Variants in ZSWIM5 observed in about 807,000 individuals in gnomAD.
The protein encoded by ZSWIM5 is zinc finger SWIM-type containing 5, also known as zinc finger SWIM domain-containing protein 5.
ZSWIM5 carries 55 observed loss-of-function variants against 119.6 expected under a neutral mutation model. That is an observed-to-expected ratio of 0.46 (90% CI 0.37 to 0.58). ZSWIM5 has a LOEUF of 0.58. Among genes scored for constraint, ZSWIM5 ranks in the 20% least tolerant of loss-of-function variants. ZSWIM5 has a pLI of 0.00. For synonymous variants in ZSWIM5, 537 were observed against 606.9 expected (o/e 0.88, Z 1.69); for missense variants, 1,193 against 1,512.8 (o/e 0.79, Z 3.51).
intron 5 of ZSWIM5, among the ~76,000 whole-genome samples, chr1:45,049,758 G>A (rs1645079062): frequency 6.6e-6 from 1 of 152,136 alleles, no homozygotes; most frequent in Non-Finnish European, 1.5e-5. Context: ...AGGTTGCAGT[G>A]AGCCGAGATC....
In ZSWIM5 at chr1:45,057,611, C is replaced by T. The variant is rs1645130349; in HGVS notation, c.1252+998G>A. ...TAAGATAGAATTGAGGGAGATGTTA[C>T]AGAGGGATATTTGATTTAAAGTCAG... On this transcript the variant is annotated intron_variant, in intron 4 of 13. Transcript: ENST00000359600. The surrounding 1 kb of genome is among the most constrained non-coding windows in gnomAD (Gnocchi z 4.7). Among the ~76,000 whole-genome samples, 1 of 152,176 alleles carries T rather than the reference C, an allele frequency of 6.6e-6. No individual in the cohort carries two copies. The highest frequency in any genetic ancestry group is 2.4e-5 in the African/African-American group (1 of 41,446).
At chr1:45,027,872 G>A (rs1358575183) in intron 11 of ZSWIM5, among the ~76,000 whole-genome samples, 1 of 151,058 alleles carries the variant, frequency 6.6e-6, no homozygotes, top group Non-Finnish European at 1.5e-5. Context: ...TTCTTTTTGA[G>A]ATGGAGTCTC....
chr1:45,193,928 GTGCATATGTGTATATATATATATATA>G (rs2149054332), intron 1 of ZSWIM5, among the ~76,000 whole-genome samples: 1 of 141,564 alleles, frequency 7.1e-6, no homozygotes, highest in East Asian at 2.2e-4. Context: ...GTACATATGT[GTGCATATGTGTATATATATATATATA>G]TACATACATG....
At chr1:45,195,880 T>C (rs1254258842) in intron 1 of ZSWIM5, among the ~76,000 whole-genome samples, 1 of 151,268 alleles carries the variant, frequency 6.6e-6, no homozygotes, top group Admixed American at 6.6e-5. Flanking sequence ...TTTCTTTTTT[T>C]TTTTTTTAGA....
At chr1:45,163,389 G>A (rs1557785002) in intron 1 of ZSWIM5, among the ~76,000 whole-genome samples, 1 of 152,180 alleles carries the variant, frequency 6.6e-6, no homozygotes, top group African/African-American at 2.4e-5. Flanking sequence ...CAGAAAAGCT[G>A]AAAATTCTAA....
intron 1 of ZSWIM5, among the ~76,000 whole-genome samples, chr1:45,102,531 G>T (rs191499600): frequency 6.6e-6 from 1 of 152,238 alleles, no homozygotes; most frequent in East Asian, 1.9e-4. Flanking sequence ...TTTCCCTTTA[G>T]ATTGTGAGTT....
chr1:45,040,610 G>C (rs1645013288), intron 6 of ZSWIM5, 72 bp from the exon 7 acceptor site: 2 of 1,407,224 alleles, frequency 1.4e-6, no homozygotes, highest in Non-Finnish European at 1.9e-6. Flanking sequence ...CTGACAAAGA[G>C]AGTTTGTATT....
rs768465105 is a variant in ZSWIM5 at position 45,138,269 on chromosome 1, C to T, written c.596-50032G>A. 1.0e-3 allele frequency among the ~76,000 whole-genome samples: 153 copies of T among 151,672 alleles called. 5 individuals are homozygous for T. Among genetic ancestry groups the T allele is most frequent in the Non-Finnish European group, 2.6e-4 (18 of 67,932 alleles). On this transcript the variant is annotated intron_variant, in intron 1 of 13. Transcript: ENST00000359600. ...CTGTAATCCCAGCACTTTGGGAGGCCGAGGCAGGTGGATCACTTGAGGTCA... is the reference window on the plus strand; with the variant it reads ...CTGTAATCCCAGCACTTTGGGAGGCTGAGGCAGGTGGATCACTTGAGGTCA...
intron 2 of ZSWIM5, among the ~76,000 whole-genome samples, chr1:45,080,927 T>A (rs1471681703): frequency 6.6e-6 from 1 of 152,076 alleles, no homozygotes; most frequent in East Asian, 1.9e-4. Context: ...CAAACACATA[T>A]AGGGACTAAT....
At chr1:45,178,586 G>A in intron 1 of ZSWIM5, among the ~76,000 whole-genome samples, 1 of 151,886 alleles carries the variant, frequency 6.6e-6, no homozygotes, top group East Asian at 1.9e-4. Flanking sequence ...CTATATATTT[G>A]ACCATTTTTC....
In ZSWIM5 at chr1:45,150,470, C is replaced by T. The variant is rs554992686; in HGVS notation, c.595+55286G>A. Among the ~76,000 whole-genome samples, 38 of 152,226 alleles carry T rather than the reference C, an allele frequency of 2.5e-4. 1 individual carries two copies. Among genetic ancestry groups the T allele is most frequent in the Non-Finnish European group, 4.1e-4 (28 of 68,028 alleles). On this transcript the variant is annotated intron_variant, in intron 1 of 13. Coordinates refer to ENST00000359600, the MANE Select transcript of ZSWIM5 (RefSeq NM_020883.2). ...AAGTTGAACACAATTACCATATGAC[C>T]GAGCATGCTGAGTTTGAGGCAGAAG...
intron 1 of ZSWIM5, among the ~76,000 whole-genome samples, chr1:45,127,781 A>T (rs149779955): frequency 6.6e-6 from 1 of 152,158 alleles, no homozygotes; most frequent in Non-Finnish European, 1.5e-5. Context: ...GTCAGGTCAC[A>T]TGACATAAGA....
chr1:45,206,074 C>G lies in ZSWIM5; in HGVS notation c.277G>C (p.Val93Leu). The stretch of plus-strand genomic sequence containing the variant: ...GACCAGTAGACGATGCGGCGCTGCA[C>G]GGGCTCCGGGATCCGCTCGAAGCGC... ...EERFERIPEP[V>L]QRRIVYWSFP... Residue 93 changes from valine (V) to leucine (L), a missense_variant, in exon 1 of 14, where the codon GTG becomes CTG. Coordinates refer to ENST00000359600, the MANE Select transcript of ZSWIM5 (RefSeq NM_020883.2). The G allele has an allele frequency of 6.2e-7, 1 of 1,611,732 alleles. No homozygotes were observed. Among genetic ancestry groups the G allele is most frequent in the South Asian group, 1.1e-5 (1 of 91,042 alleles).
At chr1:45,124,210 T>A (rs1645607935) in intron 1 of ZSWIM5, among the ~76,000 whole-genome samples, 1 of 152,124 alleles carries the variant, frequency 6.6e-6, no homozygotes, top group African/African-American at 2.4e-5. Flanking sequence ...AAATAGGTTT[T>A]CCTTCTCCAA....
chr1:45,203,906 T>C (rs574331308), intron 1 of ZSWIM5, among the ~76,000 whole-genome samples: 1 of 152,062 alleles, frequency 6.6e-6, no homozygotes, highest in Admixed American at 6.5e-5. Flanking sequence ...CCAAAGTCAA[T>C]CAGAAAACAT....
rs1570081849 is a variant in ZSWIM5 at position 45,088,132 on chromosome 1, G to A, written c.701C>T (p.Thr234Ile). 2 of 1,614,202 alleles carry A rather than the reference G, an allele frequency of 1.2e-6. No homozygotes were observed. Among genetic ancestry groups the A allele is most frequent in the East Asian group, 4.5e-5 (2 of 44,878 alleles). Reference protein sequence around the residue: ...SFDRCKITSVTCGCGNKDIFY... With the variant: ...SFDRCKITSVICGCGNKDIFY... ...TATGTCCTTGTTCCCACAGCCACAT[G>A]TCACTGAGGTGATTTTGCATCGATC... The change falls in exon 2 of 14, where the codon ACA becomes ATA. Residue 234 changes from threonine to isoleucine, a missense_variant. Physicochemically the swap from Thr to Ile is moderately conservative, Grantham distance 89 (BLOSUM62 -1). Coordinates refer to ENST00000359600, the MANE Select transcript of ZSWIM5 (RefSeq NM_020883.2). This position sits in a 1 kb window ranked among gnomAD's most constrained non-coding sequence, Gnocchi z 4.2.
At chr1:45,113,537 C>T (rs1645529987) in intron 1 of ZSWIM5, among the ~76,000 whole-genome samples, 1 of 152,038 alleles carries the variant, frequency 6.6e-6, no homozygotes, top group Non-Finnish European at 1.5e-5. Context: ...ATGTCATGAT[C>T]AGATCTATGT....
chr1:45,133,103 A>C (rs948773105), intron 1 of ZSWIM5, among the ~76,000 whole-genome samples: 4 of 152,114 alleles, frequency 2.6e-5, no homozygotes, highest in African/African-American at 9.7e-5. Context: ...TAGCAGCATG[A>C]TTTATAATCT....
intron 1 of ZSWIM5, among the ~76,000 whole-genome samples, chr1:45,161,286 T>A (rs921237991): frequency 3.9e-5 from 6 of 152,176 alleles, no homozygotes; most frequent in African/African-American, 1.4e-4. Flanking sequence ...GTGAGATTGC[T>A]GGATCAAATG....
Sources: gnomAD v4.1 joint callset for allele counts (sites outside exome capture counted in the v4.1 genomes callset) on GRCh38, gnomAD v4.1.1 for gene constraint, Gnocchi (gnomAD v3.1) non-coding constraint, MANE v1.5 for transcripts, NCBI Gene and HGNC (gene_info 2026-07-23, HGNC 2026-07-21) for gene names.